SPIDR: variants seen among roughly 807,000 people sequenced by gnomAD.
SPIDR encodes DNA repair-scaffolding protein.
A neutral mutation model predicts 104.6 loss-of-function variants in SPIDR; 93 were observed. That is an observed-to-expected ratio of 0.89 (90% CI 0.75 to 1.06). The LOEUF is 1.06. SPIDR is among the 50% of genes least tolerant of loss of function. SPIDR has a pLI of 0.00. For missense variants in SPIDR, 1,154 were observed against 1,111.2 expected, an observed-to-expected ratio of 1.04 and a Z score of -0.55; for synonymous variants, 431 against 416.9, an observed-to-expected ratio of 1.03 and a Z score of -0.41.
rs181714470 is a variant in SPIDR at position 47,693,448 on chromosome 8, A to T, written c.1686-6955A>T. ...CTTGTGATATGTGACAGGTGCCGGC[A>T]TTGCTGAAATGCCATGTGTCCTTAC... On this transcript the variant is annotated intron_variant, in intron 11 of 19. Coordinates refer to ENST00000297423, the MANE Select transcript of SPIDR (RefSeq NM_001080394.4). 3.9e-5 allele frequency among the ~76,000 whole-genome samples: 6 copies of T among 152,358 alleles called. No homozygotes were observed. The East Asian group carries it at 1.2e-3, about 29-fold the overall frequency.
At position 47,735,642 on chromosome 8, in the gene SPIDR, C is replaced by A; in HGVS notation, c.*192C>A. 1 of 1,151,352 alleles carries A rather than the reference C, an allele frequency of 8.7e-7. No homozygotes were observed. Among genetic ancestry groups the A allele is most frequent in the Non-Finnish European group, 1.2e-6 (1 of 842,104 alleles). 71.3% of individuals were successfully genotyped at this position (1,151,352 alleles called of 1,614,324 possible). A position where few individuals can be genotyped will look rare whatever the true frequency, so the allele number is the denominator to read the frequency against. ...CTGTAAATCAAAATACCTTTTTCTA[C>A]AGTTTATCTTTTATTTTCTGCAAAT... On this transcript the variant is annotated 3_prime_UTR_variant, in exon 20 of 20. Transcript: ENST00000297423.
intron 5 of SPIDR, among the ~76,000 whole-genome samples, chr8:47,366,307 T>C (rs1436372077): frequency 6.6e-6 from 1 of 152,128 alleles, no homozygotes; most frequent in Non-Finnish European, 1.5e-5. Flanking sequence ...GGGACACTGT[T>C]AGCCTTAAGT....
At chr8:47,491,041 A>G (rs1191101679) in intron 8 of SPIDR, among the ~76,000 whole-genome samples, 1 of 152,218 alleles carries the variant, frequency 6.6e-6, no homozygotes, top group Non-Finnish European at 1.5e-5. Flanking sequence ...ACACGTGTCA[A>G]AAACATTTTT....
intron 15 of SPIDR, 164 bp from the exon 16 acceptor site, chr8:47,713,325 A>G: frequency 1.1e-6 from 1 of 948,802 alleles, no homozygotes; most frequent in Non-Finnish European, 1.6e-6. Context: ...AGCTTAGCTC[A>G]TGGGGTTCAG....
chr8:47,691,779 G>A (rs1325276569), intron 11 of SPIDR, among the ~76,000 whole-genome samples: 1 of 152,194 alleles, frequency 6.6e-6, no homozygotes, highest in Admixed American at 6.5e-5. Context: ...GGCTTAGCAG[G>A]ACCGATGGGC....
At chr8:47,639,530 G>A (rs1295275311) in intron 10 of SPIDR, among the ~76,000 whole-genome samples, 1 of 152,180 alleles carries the variant, frequency 6.6e-6, no homozygotes, top group Non-Finnish European at 1.5e-5. Flanking sequence ...AAGAGTGTAT[G>A]GCGTTCCTTT....
chr8:47,591,746 G>T (rs781477545), intron 8 of SPIDR, among the ~76,000 whole-genome samples: 3 of 151,936 alleles, frequency 2.0e-5, no homozygotes, highest in Non-Finnish European at 4.4e-5. Flanking sequence ...AAAAAAGGGG[G>T]AAAGGAACCC....
intron 10 of SPIDR, among the ~76,000 whole-genome samples, chr8:47,606,675 T>C (rs2062994527): frequency 1.3e-5 from 2 of 152,192 alleles, no homozygotes; most frequent in Non-Finnish European, 2.9e-5. Context: ...GTTTGGACAG[T>C]GGAGAAAGAC....
chr8:47,568,745 C>G (rs2058188283), intron 8 of SPIDR, among the ~76,000 whole-genome samples: 1 of 152,092 alleles, frequency 6.6e-6, no homozygotes, highest in Non-Finnish European at 1.5e-5. Context: ...AACATCCCCG[C>G]CAAAAGGAAA....
chr8:47,318,174 G>A (rs2154259924), intron 5 of SPIDR, among the ~76,000 whole-genome samples: 1 of 152,222 alleles, frequency 6.6e-6, no homozygotes, highest in African/African-American at 2.4e-5. Flanking sequence ...CGAACCCATG[G>A]CAAAGAAGTT....
At chr8:47,614,317 G>A (rs2154432213) in intron 10 of SPIDR, among the ~76,000 whole-genome samples, 1 of 152,160 alleles carries the variant, frequency 6.6e-6, no homozygotes, top group South Asian at 2.1e-4. Context: ...TGCCTCCTGG[G>A]TTCAAGCAGT....
intron 8 of SPIDR, among the ~76,000 whole-genome samples, chr8:47,575,066 G>A (rs2058922997): frequency 6.6e-6 from 1 of 151,934 alleles, no homozygotes; most frequent in Admixed American, 6.6e-5. Context: ...TGATGTGATT[G>A]GTTCTTCATC....
chr8:47,380,645 A>G (rs1192425148), intron 5 of SPIDR, among the ~76,000 whole-genome samples: 1 of 152,096 alleles, frequency 6.6e-6, no homozygotes, highest in Non-Finnish European at 1.5e-5. Flanking sequence ...AAGCCAGTCC[A>G]TAGGTTTGAG....
chr8:47,356,772 A>G (rs1418093220), intron 5 of SPIDR, among the ~76,000 whole-genome samples: 3 of 152,200 alleles, frequency 2.0e-5, no homozygotes, highest in African/African-American at 7.2e-5. Context: ...TACCTAAAGT[A>G]AGACCAGTAT....
chr8:47,352,148 G>A (rs1013797446), intron 5 of SPIDR, among the ~76,000 whole-genome samples: 9 of 151,850 alleles, frequency 5.9e-5, no homozygotes, highest in East Asian at 1.9e-4. Context: ...GTGATGGTGC[G>A]TGCCTGTAAT....
Position 47,665,385 on chromosome 8 carries a change from G to GT in SPIDR, c.1545-8412dup, listed in dbSNP as rs1405362005. Among the ~76,000 whole-genome samples the GT allele has an allele frequency of 2.6e-5, 4 of 152,284 alleles. No individual in the cohort carries two copies. The East Asian group carries it at 7.7e-4, about 29-fold the overall frequency. ...AGGTCAGTAGGATTGAACACTAATT[G>GT]TTTTATCTTAGCTCACCTTTTCATT... On this transcript the variant is annotated intron_variant, in intron 10 of 19. Transcript: ENST00000297423.
At chr8:47,488,371 A>C (rs2078064796) in intron 8 of SPIDR, among the ~76,000 whole-genome samples, 1 of 152,212 alleles carries the variant, frequency 6.6e-6, no homozygotes, top group South Asian at 2.1e-4. Context: ...TAGCCTACCA[A>C]CCAAAGAAAG....
chr8:47,665,076 A>G (rs1401387185), intron 10 of SPIDR, among the ~76,000 whole-genome samples: 1 of 152,220 alleles, frequency 6.6e-6, no homozygotes, highest in East Asian at 1.9e-4. Context: ...AGCACTTATC[A>G]AATTTGATGC....
chr8:47,299,709 T>C (rs587765093), intron 5 of SPIDR, among the ~76,000 whole-genome samples: 4 of 152,274 alleles, frequency 2.6e-5, no homozygotes, highest in South Asian at 2.1e-4. Flanking sequence ...TTGAGATAAT[T>C]ATGTGGTTTT....
Sources: gnomAD v4.1 joint callset for allele counts (sites outside exome capture counted in the v4.1 genomes callset) on GRCh38, gnomAD v4.1.1 for gene constraint, MANE v1.5 for transcripts, NCBI Gene and HGNC (gene_info 2026-07-23, HGNC 2026-07-21) for gene names.